The following HDX variants were observed in gnomAD, a reference collection of about 807,000 sequenced individuals.
HDX encodes the protein highly divergent homeobox, also known as chromosome X open reading frame 43.
In HDX, 19 loss-of-function variants were observed where a neutral mutation model predicts 45.2. The observed-to-expected ratio is 0.42, with a 90% confidence interval of 0.29 to 0.62. HDX has a LOEUF of 0.62. Among genes scored for constraint, HDX ranks in the 20% least tolerant of loss-of-function variants. The pLI is 0.20. For missense variants in HDX, 532 were observed against 493.9 expected, an observed-to-expected ratio of 1.08 and a Z score of -0.73; for synonymous variants, 188 against 172.8, an observed-to-expected ratio of 1.09 and a Z score of -0.69.
intron 2 of HDX, among the ~76,000 whole-genome samples, chrX:84,476,138 C>T (rs957354619): frequency 9.0e-6 from 1 of 111,054 alleles, no homozygotes; most frequent in Non-Finnish European, 1.9e-5. Flanking sequence ...ATCTTTTCTG[C>T]CAGTAGACAA....
intron 5 of HDX, chrX:84,403,838 A>T (rs1268442891): frequency 8.9e-6 from 1 of 112,084 alleles, no homozygotes; most frequent in Non-Finnish European, 1.9e-5. Context: ...TAGAAGTGTT[A>T]TGTGATATCC....
chrX:84,418,854 G>A (rs1344555534), intron 5 of HDX, among the ~76,000 whole-genome samples: 2 of 110,660 alleles, frequency 1.8e-5, no homozygotes, highest in African/African-American at 6.6e-5. Context: ...AGGCTGCACA[G>A]CTCATGGCTC....
At chrX:84,354,729 AG>A (rs1200117383) in intron 6 of HDX, among the ~76,000 whole-genome samples, 1 of 108,662 alleles carries the variant, frequency 9.2e-6, no homozygotes, top group African/African-American at 3.3e-5. Flanking sequence ...CCTGATCTTA[AG>A]AATAATTTGG....
chrX:84,489,213 G>A (rs1241404397), intron 1 of HDX, among the ~76,000 whole-genome samples: 1 of 111,042 alleles, frequency 9.0e-6, no homozygotes, highest in Non-Finnish European at 1.9e-5. Flanking sequence ...TAGTTAAAAT[G>A]GCTATTTTAT....
intron 5 of HDX, among the ~76,000 whole-genome samples, chrX:84,417,876 C>T (rs1315780932): frequency 8.9e-6 from 1 of 111,934 alleles, no homozygotes; most frequent in Non-Finnish European, 1.9e-5. Flanking sequence ...AATTGATGCC[C>T]TTTCTCTAAC....
intron 3 of HDX, among the ~76,000 whole-genome samples, chrX:84,472,880 T>C (rs1343191999): frequency 9.1e-6 from 1 of 110,355 alleles, no homozygotes; most frequent in Non-Finnish European, 1.9e-5. Flanking sequence ...CTAAAATTTG[T>C]TCAGTTATTA....
chrX:84,429,278 AT>A (rs1301857473), intron 5 of HDX, among the ~76,000 whole-genome samples: 1 of 82,238 alleles, frequency 1.2e-5, no homozygotes, highest in Non-Finnish European at 2.9e-5. Flanking sequence ...TGTAGGGAAA[AT>A]GATATCTTAG....
At chrX:84,377,441 G>A (rs990061182) in intron 5 of HDX, among the ~76,000 whole-genome samples, 19 of 111,731 alleles carry the variant, frequency 1.7e-4, no homozygotes, top group African/African-American at 6.2e-4. Context: ...GCAGAGATAT[G>A]TTACCTTTCA....
At chrX:84,347,278 T>C (rs2037229884) in intron 6 of HDX, among the ~76,000 whole-genome samples, 1 of 110,823 alleles carries the variant, frequency 9.0e-6, no homozygotes, top group Admixed American at 9.7e-5. Context: ...CACTGTAGCC[T>C]TGAACTCCTG....
chrX:84,368,222 C>A (rs902483518), intron 5 of HDX, among the ~76,000 whole-genome samples: 4 of 111,135 alleles, frequency 3.6e-5, no homozygotes, highest in African/African-American at 9.8e-5. Flanking sequence ...ATGTTAAATG[C>A]TCATTTAAAG....
At chrX:84,383,601 T>C (rs2038239043) in intron 5 of HDX, among the ~76,000 whole-genome samples, 1 of 111,518 alleles carries the variant, frequency 9.0e-6, no homozygotes, top group Non-Finnish European at 1.9e-5. Flanking sequence ...CAGCTTTCAT[T>C]TTAGATACAG....
Position 84,468,611 on chromosome X carries a change from T to C in HDX, c.1112A>G (p.Tyr371Cys), listed in dbSNP as rs775508974. The C allele has an allele frequency of 2.5e-6, 3 of 1,206,083 alleles. No homozygotes were observed. The African/African-American group carries it at 5.2e-5, about 21-fold the overall frequency. ...TAATGAGGTCCGTGGTGTCAAATGG[T>C]AGTTTCTGTTTTGATACAGTACATT... ...SDNVLYQNRN[Y>C]HLTPRTSLHT... Residue 371 changes from tyrosine (Y) to cysteine (C), a missense_variant, in exon 4 of 11, where the codon TAC becomes TGC. Tyr to Cys is a radical substitution (Grantham distance 194). Coordinates refer to ENST00000373177, the MANE Select transcript of HDX (RefSeq NM_001177479.2).
intron 3 of HDX, among the ~76,000 whole-genome samples, chrX:84,474,993 G>A: frequency 8.9e-6 from 1 of 111,746 alleles, no homozygotes; most frequent in East Asian, 2.8e-4. Context: ...AATCTTAAAT[G>A]TATTTATTAG....
intron 5 of HDX, among the ~76,000 whole-genome samples, chrX:84,375,745 G>A (rs2038037482): frequency 9.2e-6 from 1 of 108,698 alleles, no homozygotes; most frequent in African/African-American, 3.4e-5. Flanking sequence ...GGACTGTTGT[G>A]GGGTGGGGGG....
chrX:84,344,763 A>G (rs1477387908), intron 6 of HDX, among the ~76,000 whole-genome samples: 1 of 111,096 alleles, frequency 9.0e-6, no homozygotes, highest in African/African-American at 3.3e-5. Flanking sequence ...TAGCATGTCA[A>G]TCACCTCAAA....
At chrX:84,442,512 G>T (rs1422075476) in intron 4 of HDX, among the ~76,000 whole-genome samples, 4 of 111,072 alleles carry the variant, frequency 3.6e-5, no homozygotes, top group African/African-American at 1.3e-4. Context: ...CAGTAAAATA[G>T]CAATTAACTG....
At chrX:84,328,727 A>G (rs1221200490) in intron 9 of HDX, among the ~76,000 whole-genome samples, 1 of 111,786 alleles carries the variant, frequency 8.9e-6, no homozygotes, top group Non-Finnish European at 1.9e-5. Flanking sequence ...AGTGCTGACA[A>G]GAATGTGGAG....
At chrX:84,452,832 A>T (rs2040030950) in intron 4 of HDX, among the ~76,000 whole-genome samples, 1 of 112,037 alleles carries the variant, frequency 8.9e-6, no homozygotes, top group Non-Finnish European at 1.9e-5. Flanking sequence ...ACTCAAGATA[A>T]AACCTTAAAC....
At chrX:84,414,683 G>A (rs2039063695) in intron 5 of HDX, among the ~76,000 whole-genome samples, 1 of 111,028 alleles carries the variant, frequency 9.0e-6, no homozygotes, top group South Asian at 3.8e-4. Flanking sequence ...CCATGATTTG[G>A]GTATCATAAA....
Sources: gnomAD v4.1 joint callset for allele counts (sites outside exome capture counted in the v4.1 genomes callset) on GRCh38, gnomAD v4.1.1 for gene constraint, MANE v1.5 for transcripts, NCBI Gene and HGNC (gene_info 2026-07-23, HGNC 2026-07-21) for gene names.